The following DPH6 variants were observed in gnomAD, a reference collection of about 807,000 sequenced individuals.
DPH6 encodes the protein diphthine--ammonia ligase.
In DPH6, 33 loss-of-function variants were observed where a neutral mutation model predicts 38.2. The observed-to-expected ratio is 0.86, with a 90% CI of 0.65 to 1.15. The LOEUF is 1.15. Among genes scored for constraint, DPH6 ranks in the 50% most tolerant of loss-of-function variants. The pLI is 0.00. For synonymous variants in DPH6, 108 were observed against 103.0 expected (o/e 1.05, Z -0.30); for missense variants, 325 against 320.0 (o/e 1.02, Z -0.12).
chr15:35,260,874 G>T (rs1175939372), intron 3 of DPH6, among the ~76,000 whole-genome samples: 1 of 152,024 alleles, frequency 6.6e-6, no homozygotes, highest in South Asian at 2.1e-4. Flanking sequence ...AATATGATCT[G>T]TCTAGGATTC....
chr15:35,338,497 A>G (rs1043945295), intron 3 of DPH6, among the ~76,000 whole-genome samples: 1 of 152,226 alleles, frequency 6.6e-6, no homozygotes, highest in African/African-American at 2.4e-5. Context: ...ATCTCACACC[A>G]GTTAGAATGG....
the DPH6 span, among the ~76,000 whole-genome samples, chr15:35,156,793 G>C: frequency 2.0e-5 from 3 of 152,054 alleles, no homozygotes; most frequent in African/African-American, 7.2e-5. Flanking sequence ...AGTTACAGGT[G>C]CTCTGTGTTT....
In DPH6 at chr15:35,516,420, C is replaced by T. The variant is rs553475708; in HGVS notation, c.312+21854G>A. ...TCTACATGGATTATCCCATTAAATG[C>T]TCATAATGACCCTATGTTGTACGTA... On this transcript the variant is annotated intron_variant, in intron 3 of 8. Transcript: ENST00000256538. Among the ~76,000 whole-genome samples the T allele has an allele frequency of 2.0e-5, 3 of 152,246 alleles. No individual in the cohort carries two copies. In the East Asian group the frequency reaches 5.8e-4, roughly 29 times the overall value.
At chr15:35,473,957 T>C (rs200081236) in intron 3 of DPH6, among the ~76,000 whole-genome samples, 9,516 of 38,282 alleles carry the variant, frequency 0.25, 1,047 homozygotes, top group African/African-American at 0.31. Context: ...TGTGTGTGTG[T>C]GCGCGCGCGC....
intron 3 of DPH6, among the ~76,000 whole-genome samples, chr15:35,531,383 T>G (rs1053620743): frequency 1.3e-5 from 2 of 152,184 alleles, no homozygotes; most frequent in Non-Finnish European, 2.9e-5. Flanking sequence ...TTTAAGCTTC[T>G]AAATAGGAAA....
At chr15:35,452,811 TAC>T (rs1167528122) in intron 4 of DPH6, among the ~76,000 whole-genome samples, 1 of 152,228 alleles carries the variant, frequency 6.6e-6, no homozygotes, top group Non-Finnish European at 1.5e-5. Flanking sequence ...AGCAGTGATT[TAC>T]AGAGTAAGTT....
intron 3 of DPH6, among the ~76,000 whole-genome samples, chr15:35,478,259 T>C (rs1384633037): frequency 6.6e-6 from 1 of 151,620 alleles, no homozygotes. Context: ...GTAACAATGT[T>C]TAGGAAGAAA....
At chr15:35,454,618 CACA>C (rs935517831) in intron 4 of DPH6, 126 bp downstream of exon 4, 9 of 680,668 alleles carry the variant, frequency 1.3e-5, no homozygotes, top group Non-Finnish European at 2.1e-5. Flanking sequence ...GGTAAATACA[CACA>C]TTTAGTTCCA....
intron 5 of DPH6, among the ~76,000 whole-genome samples, chr15:35,413,100 T>C (rs2053389763): frequency 6.6e-6 from 1 of 151,474 alleles, no homozygotes; most frequent in African/African-American, 2.4e-5. Context: ...AAATGGAAAA[T>C]CTCTGTACAT....
chr15:35,387,887 G>A (rs534730295), intron 6 of DPH6, among the ~76,000 whole-genome samples: 1 of 152,248 alleles, frequency 6.6e-6, no homozygotes, highest in Non-Finnish European at 1.5e-5. Context: ...ATGTTGAATA[G>A]GAGTGGTGAG....
chr15:35,519,332 C>T (rs1394666041), intron 3 of DPH6: 1 of 151,854 alleles, frequency 6.6e-6, no homozygotes. Context: ...AGGCAGCCCA[C>T]TCAGATTCTA....
At chr15:35,163,415 T>C in the DPH6 span, among the ~76,000 whole-genome samples, 1 of 151,882 alleles carries the variant, frequency 6.6e-6, no homozygotes, top group African/African-American at 2.4e-5. Flanking sequence ...CTAAAATTAA[T>C]ATGATGCCAT....
intron 3 of DPH6, among the ~76,000 whole-genome samples, chr15:35,464,111 T>C (rs1033281090): frequency 2.6e-5 from 4 of 151,960 alleles, no homozygotes; most frequent in African/African-American, 7.2e-5. Flanking sequence ...CTGGCCAACA[T>C]AGTAAAACCC....
At chr15:35,342,909 G>C (rs2052432999) in intron 3 of DPH6, among the ~76,000 whole-genome samples, 2 of 152,052 alleles carry the variant, frequency 1.3e-5, no homozygotes, top group African/African-American at 4.8e-5. Flanking sequence ...TCCTGAAACT[G>C]GCTTTAATAA....
intron 3 of DPH6, among the ~76,000 whole-genome samples, chr15:35,535,576 T>G (rs1235259743): frequency 6.6e-6 from 1 of 152,142 alleles, no homozygotes. Flanking sequence ...ACTATTACAC[T>G]GCTCACGTGA....
rs1432090695 is a variant in DPH6 at position 35,249,828 on chromosome 15, A to G, written n.201-29246T>C. On this transcript the variant is annotated intron_variant and non_coding_transcript_variant, in intron 3 of 3. Coordinates refer to the DPH6 transcript ENST00000560386. ...AAATTAAAATACTTATAAGCACAGCATAAAGTAGCAGGAAGAACAGTTAAC... is the reference window on the plus strand; with the variant it reads ...AAATTAAAATACTTATAAGCACAGCGTAAAGTAGCAGGAAGAACAGTTAAC... Among the ~76,000 whole-genome samples the G allele has an allele frequency of 2.0e-5, 3 of 152,220 alleles. No individual in the cohort carries two copies. The East Asian group carries it at 5.8e-4, about 29-fold the overall frequency.
At chr15:35,344,814 T>C (rs777066203) in intron 3 of DPH6, among the ~76,000 whole-genome samples, 14 of 151,814 alleles carry the variant, frequency 9.2e-5, no homozygotes, top group Non-Finnish European at 1.3e-4. Context: ...TATAAGCAAA[T>C]ACTAGTTCTT....
At chr15:35,375,522 A>G (rs2052768317) in intron 7 of DPH6, among the ~76,000 whole-genome samples, 1 of 152,106 alleles carries the variant, frequency 6.6e-6, no homozygotes, top group African/African-American at 2.4e-5. Context: ...TGAATCCTGA[A>G]AGCAGAATCT....
intron 3 of DPH6, among the ~76,000 whole-genome samples, chr15:35,241,286 C>A (rs1232806432): frequency 7.0e-6 from 1 of 142,976 alleles, no homozygotes; most frequent in African/African-American, 2.5e-5. Flanking sequence ...TAGACCATCA[C>A]GGACGCCGAG....
Sources: gnomAD v4.1 joint callset for allele counts (sites outside exome capture counted in the v4.1 genomes callset) on GRCh38, gnomAD v4.1.1 for gene constraint, MANE v1.5 for transcripts, NCBI Gene and HGNC (gene_info 2026-07-23, HGNC 2026-07-21) for gene names.